Variants in ARPP21 observed in about 807,000 individuals in gnomAD.
ARPP21 encodes the protein cAMP regulated phosphoprotein 21, also known as cAMP-regulated phosphoprotein 21.
In ARPP21, 69 loss-of-function variants were observed where a neutral mutation model predicts 113.2. That is an observed-to-expected ratio of 0.61 (90% CI 0.50 to 0.74). The LOEUF is 0.74. Among genes scored for constraint, ARPP21 ranks in the 30% least tolerant of loss-of-function variants. The pLI is 0.00. For synonymous variants in ARPP21, 368 were observed against 375.5 expected, an observed-to-expected ratio of 0.98 and a Z score of 0.23; for missense variants, 1,070 against 1,037.4, an observed-to-expected ratio of 1.03 and a Z score of -0.43.
At chr3:35,679,037 G>A (rs374870765) in intron 1 of ARPP21, among the ~76,000 whole-genome samples, 6 of 151,910 alleles carry the variant, frequency 3.9e-5, no homozygotes, top group African/African-American at 9.7e-5. Flanking sequence ...ACATTATAGC[G>A]TGGATTGTTT....
intron 19 of ARPP21, among the ~76,000 whole-genome samples, chr3:35,773,677 C>T (rs1176202195): frequency 1.3e-5 from 2 of 152,084 alleles, no homozygotes; most frequent in African/African-American, 4.8e-5. Flanking sequence ...TAATGCCAGG[C>T]CACTAAGGAG....
chr3:35,702,723 A>C (rs983192941), intron 9 of ARPP21, among the ~76,000 whole-genome samples: 1 of 151,864 alleles, frequency 6.6e-6, no homozygotes, highest in Non-Finnish European at 1.5e-5. Context: ...CACTGCACAT[A>C]TTAAGTTTAT....
intron 15 of ARPP21, among the ~76,000 whole-genome samples, chr3:35,731,656 T>C (rs2093983365): frequency 6.6e-6 from 1 of 152,186 alleles, no homozygotes; most frequent in Admixed American, 6.5e-5. Flanking sequence ...TTAGTATATG[T>C]ATGTGTGTGA....
chr3:35,729,165 ATTAG>A (rs1469002182), intron 14 of ARPP21, 134 bp from the exon 15 acceptor site: 3 of 603,538 alleles, frequency 5.0e-6, no homozygotes, highest in African/African-American at 3.7e-5. Flanking sequence ...TGAGAGGGGC[ATTAG>A]TTAATCTCAT....
chr3:35,648,426 C>T (rs1195975317), intron 1 of ARPP21, among the ~76,000 whole-genome samples: 1 of 152,110 alleles, frequency 6.6e-6, no homozygotes. Context: ...GGACTAACAA[C>T]ATATTTGAGG....
intron 13 of ARPP21, among the ~76,000 whole-genome samples, chr3:35,717,599 G>A (rs528901125): frequency 1.3e-5 from 2 of 151,868 alleles, no homozygotes; most frequent in African/African-American, 2.4e-5. Context: ...CTTTTTGGGG[G>A]CTAACTTTGG....
At chr3:35,724,221 C>G (rs991891599) in intron 14 of ARPP21, among the ~76,000 whole-genome samples, 4 of 152,208 alleles carry the variant, frequency 2.6e-5, no homozygotes, top group African/African-American at 9.7e-5. Context: ...GAGGCCTGGG[C>G]TGCCTACCAG....
At chr3:35,681,927 C>A in intron 3 of ARPP21, 47 bp downstream of exon 3, 1 of 1,567,954 alleles carries the variant, frequency 6.4e-7, no homozygotes. Flanking sequence ...CTGTGTGCAG[C>A]TCCCTTCTTT....
chr3:35,700,728 A>C (rs185777213), intron 9 of ARPP21, among the ~76,000 whole-genome samples: 170 of 151,962 alleles, frequency 1.1e-3, no homozygotes, highest in Non-Finnish European at 1.8e-3. Context: ...AGAGAGAAGT[A>C]AATGATCAAA....
chr3:35,793,085 T>G (rs2096778652), intron 20 of ARPP21, among the ~76,000 whole-genome samples: 1 of 152,168 alleles, frequency 6.6e-6, no homozygotes, highest in South Asian at 2.1e-4. Context: ...AAAGAGTTAG[T>G]GAAATGGTAT....
intron 4 of ARPP21, among the ~76,000 whole-genome samples, chr3:35,683,420 T>C (rs1235458047): frequency 6.6e-6 from 1 of 151,748 alleles, no homozygotes; most frequent in African/African-American, 2.4e-5. Flanking sequence ...CACTTTTTCC[T>C]CCTGATATTT....
chr3:35,792,156 G>T (rs2096760031), intron 19 of ARPP21: 1 of 508,300 alleles, frequency 2.0e-6, no homozygotes, highest in African/African-American at 1.9e-5. Flanking sequence ...AGACCATTCT[G>T]CATAACAATA....
chr3:35,686,518 A>G (rs954130259), intron 5 of ARPP21, among the ~76,000 whole-genome samples: 1 of 151,706 alleles, frequency 6.6e-6, no homozygotes, highest in Non-Finnish European at 1.5e-5. Context: ...ACTTAGCTTC[A>G]GAGAACTTTT....
At chr3:35,648,818 A>C (rs1349515498) in intron 1 of ARPP21, among the ~76,000 whole-genome samples, 1 of 152,236 alleles carries the variant, frequency 6.6e-6, no homozygotes, top group Non-Finnish European at 1.5e-5. Flanking sequence ...AGATGTCAGC[A>C]TTCTTCTGGG....
chr3:35,716,739 C>A (rs2092456562), intron 12 of ARPP21, among the ~76,000 whole-genome samples: 1 of 151,952 alleles, frequency 6.6e-6, no homozygotes, highest in South Asian at 2.1e-4. Context: ...TTTTCCCTAT[C>A]TTCCTCCCTA....
chr3:35,764,951 T>G (rs1414007792), intron 19 of ARPP21, among the ~76,000 whole-genome samples: 1 of 152,148 alleles, frequency 6.6e-6, no homozygotes. Context: ...TGATTTAATG[T>G]TCTATATTCC....
intron 19 of ARPP21, among the ~76,000 whole-genome samples, chr3:35,779,389 G>T (rs1476120278): frequency 6.6e-6 from 1 of 152,106 alleles, no homozygotes; most frequent in South Asian, 2.1e-4. Context: ...AAGCACCGTG[G>T]CATGTATGTT....
chr3:35,656,030 G>C (rs1408794757), intron 1 of ARPP21, among the ~76,000 whole-genome samples: 1 of 151,712 alleles, frequency 6.6e-6, no homozygotes, highest in Non-Finnish European at 1.5e-5. Context: ...TAAAAACAAA[G>C]GAATATTATA....
intron 19 of ARPP21, among the ~76,000 whole-genome samples, chr3:35,779,857 G>A (rs2096481928): frequency 6.6e-6 from 1 of 151,914 alleles, no homozygotes. Flanking sequence ...CCTCCTTTTA[G>A]TCCCTTTCCA....
Sources: allele counts gnomAD v4.1 joint callset (sites outside exome capture counted in the v4.1 genomes callset), GRCh38; gene constraint gnomAD v4.1.1; transcripts MANE v1.5; gene names NCBI Gene and HGNC (gene_info 2026-07-23, HGNC 2026-07-21).